The following GALNT14 variants were observed in gnomAD, a reference collection of about 807,000 sequenced individuals.
GALNT14 encodes UDP-GalNAc:polypeptide N-acetylgalactosaminyltransferase 14.
In GALNT14, 60 loss-of-function variants were observed where a neutral mutation model predicts 77.5. The observed-to-expected ratio is 0.77, with a 90% CI of 0.63 to 0.96. GALNT14 has a LOEUF of 0.96. Among genes scored for constraint, GALNT14 ranks in the 40% least tolerant of loss-of-function variants. The probability of loss-of-function intolerance (pLI) is 0.00; values close to 1 mark genes in which losing one functional copy is unlikely to be tolerated. For synonymous variants in GALNT14, 280 were observed against 281.7 expected (o/e 0.99, Z 0.06); for missense variants, 710 against 731.0 (o/e 0.97, Z 0.33).
chr2:31,129,502 T>C lies in GALNT14; in HGVS notation c.129+8456A>G. ...CAGCACCCAGCTGGCAGCCATCAATTGGCCATCTATTAATAGCCAATTATC... is the reference window on the plus strand; with the variant it reads ...CAGCACCCAGCTGGCAGCCATCAATCGGCCATCTATTAATAGCCAATTATC... On this transcript the variant is annotated intron_variant, in intron 1 of 14. Coordinates refer to ENST00000349752, the MANE Select transcript of GALNT14 (RefSeq NM_024572.4). 4 of 985,458 alleles carry C rather than the reference T, an allele frequency of 4.1e-6. No homozygotes were observed. In the South Asian group the frequency reaches 1.9e-4, roughly 46 times the overall value. 61.0% of individuals were successfully genotyped at this position (985,458 alleles called of 1,614,324 possible).
At chr2:31,120,024 C>A (rs1194207151) in intron 1 of GALNT14, among the ~76,000 whole-genome samples, 1 of 122,902 alleles carries the variant, frequency 8.1e-6, no homozygotes, top group East Asian at 2.2e-4. Context: ...GGCGTGGTAG[C>A]GGGCGCCTGT....
intron 1 of GALNT14, among the ~76,000 whole-genome samples, chr2:31,102,827 T>C (rs1395785323): frequency 6.6e-6 from 1 of 152,156 alleles, no homozygotes; most frequent in Non-Finnish European, 1.5e-5. Context: ...TGCTGTTTTT[T>C]TCATTGTGAT....
intron 2 of GALNT14, among the ~76,000 whole-genome samples, chr2:30,967,496 C>T (rs2148345542): frequency 6.6e-6 from 1 of 152,292 alleles, no homozygotes; most frequent in South Asian, 2.1e-4. Context: ...GATCAGGACT[C>T]AAGCATGGGC....
chr2:31,114,750 G>A (rs1678014881), intron 1 of GALNT14: 1 of 717,058 alleles, frequency 1.4e-6, no homozygotes, highest in African/African-American at 1.7e-5. Context: ...TACCTGACTT[G>A]AAGAAAGACC....
intron 1 of GALNT14, chr2:31,132,491 T>G (rs1679042905): frequency 1.1e-5 from 3 of 278,712 alleles, no homozygotes; most frequent in South Asian, 9.5e-5. Flanking sequence ...CACAGCACCT[T>G]GTACAGGCAC....
At chr2:31,079,229 CT>C (rs912816786) in intron 1 of GALNT14, among the ~76,000 whole-genome samples, 1 of 152,178 alleles carries the variant, frequency 6.6e-6, no homozygotes, top group African/African-American at 2.4e-5. Context: ...GGAAGCCATG[CT>C]TCTAGGGATG....
At chr2:31,086,854 G>C (rs180784107) in intron 1 of GALNT14, among the ~76,000 whole-genome samples, 2 of 152,232 alleles carry the variant, frequency 1.3e-5, no homozygotes, top group East Asian at 3.9e-4. Context: ...CAACCTCCAA[G>C]GGTCTTTCAA....
At chr2:30,913,341 G>A (rs543533249) in intron 13 of GALNT14, among the ~76,000 whole-genome samples, 1 of 152,228 alleles carries the variant, frequency 6.6e-6, no homozygotes, top group African/African-American at 2.4e-5. Context: ...CCTGAAACAA[G>A]TTGACCCTGA....
chr2:30,978,377 C>G (rs999490442), intron 2 of GALNT14, among the ~76,000 whole-genome samples: 1 of 152,224 alleles, frequency 6.6e-6, no homozygotes, highest in African/African-American at 2.4e-5. Flanking sequence ...GGCCACGTTT[C>G]TACTTCTTTA....
chr2:31,114,431 T>C (rs1677996912), intron 1 of GALNT14, among the ~76,000 whole-genome samples: 1 of 152,208 alleles, frequency 6.6e-6, no homozygotes, highest in Non-Finnish European at 1.5e-5. Flanking sequence ...GGTATTCAAT[T>C]ACAGCACATG....
chr2:30,900,180 T>C, the GALNT14 span, among the ~76,000 whole-genome samples: 3 of 152,204 alleles, frequency 2.0e-5, no homozygotes, highest in Non-Finnish European at 4.4e-5. Context: ...CTGAGATTCA[T>C]GCAGATGAAA....
chr2:30,906,218 C>T (rs1343239189), downstream of GALNT14, among the ~76,000 whole-genome samples: 157 of 150,862 alleles, frequency 1.0e-3, no homozygotes, highest in African/African-American at 3.6e-3. Flanking sequence ...ACAATATTAA[C>T]TTTAAATGTA....
intron 1 of GALNT14, among the ~76,000 whole-genome samples, chr2:31,036,541 G>A (rs1672747189): frequency 6.6e-6 from 1 of 152,134 alleles, no homozygotes; most frequent in Admixed American, 6.5e-5. Context: ...AAGCGTTACA[G>A]ACAAAAATAC....
At chr2:30,910,076 G>A (rs1664268324), downstream of GALNT14, among the ~76,000 whole-genome samples, 1 of 111,838 alleles carries the variant, frequency 8.9e-6, no homozygotes, top group Non-Finnish European at 1.7e-5. Flanking sequence ...GGGGGGAGGG[G>A]GGAGGGATAG....
rs1322492770 is a variant in GALNT14, at chr2:30,969,376, C to G, written c.300-3074G>C. Among the ~76,000 whole-genome samples, 4 of 152,150 alleles carry G rather than the reference C, an allele frequency of 2.6e-5. No individual in the cohort carries two copies. The East Asian group carries it at 7.7e-4, about 29-fold the overall frequency. ...TCCACATGCTGGGAGGCAGGGGGACCACACACCCCAGCTTTTGTGGTACAA... is the reference window on the plus strand; with the variant it reads ...TCCACATGCTGGGAGGCAGGGGGACGACACACCCCAGCTTTTGTGGTACAA... On this transcript the variant is annotated intron_variant, in intron 2 of 14. Transcript: ENST00000349752.
chr2:30,978,712 C>T (rs1456367298), intron 2 of GALNT14, among the ~76,000 whole-genome samples: 1 of 152,184 alleles, frequency 6.6e-6, no homozygotes, highest in Admixed American at 6.5e-5. Context: ...TCACGAGGTG[C>T]GCTTTGGGCC....
chr2:31,063,524 G>T (rs1168571489), intron 1 of GALNT14, among the ~76,000 whole-genome samples: 1 of 152,160 alleles, frequency 6.6e-6, no homozygotes, highest in Non-Finnish European at 1.5e-5. Context: ...TTTTGCTTAG[G>T]ATTGATTTGG....
intron 13 of GALNT14, among the ~76,000 whole-genome samples, chr2:30,920,698 G>A (rs955746289): frequency 1.3e-5 from 2 of 151,854 alleles, no homozygotes; most frequent in Admixed American, 6.6e-5. Flanking sequence ...ATCTTAGCTG[G>A]CATGGTCATG....
chr2:30,980,529 T>C (rs1010440187), intron 2 of GALNT14, among the ~76,000 whole-genome samples: 8 of 152,172 alleles, frequency 5.3e-5, no homozygotes, highest in Admixed American at 5.2e-4. Context: ...TGAGGACCAT[T>C]ATTATTCCCA....
Sources: gnomAD v4.1 joint callset for allele counts (sites outside exome capture counted in the v4.1 genomes callset) on GRCh38, gnomAD v4.1.1 for gene constraint, MANE v1.5 for transcripts, NCBI Gene and HGNC (gene_info 2026-07-23, HGNC 2026-07-21) for gene names.